Variants in CEBPZOS observed in about 807,000 individuals in gnomAD.
The protein encoded by CEBPZOS is CEBPZ opposite strand, also known as protein CEBPZOS.
In CEBPZOS, 10 loss-of-function variants were observed where a neutral mutation model predicts 4.8. The ratio of observed to expected loss-of-function variants is 2.07; its 90% CI spans 1.28 to 3.52. CEBPZOS has a LOEUF of 3.52. Among genes scored for constraint, CEBPZOS ranks in the 30% most tolerant of loss-of-function variants. The pLI, the probability that CEBPZOS is intolerant of heterozygous loss-of-function variation, is 0.00. For missense variants in CEBPZOS, 98 were observed against 43.6 expected, an observed-to-expected ratio of 2.25 and a Z score of -3.51; for synonymous variants, 25 against 14.2, an observed-to-expected ratio of 1.77 and a Z score of -1.72.
At chr2:37,212,267 A>G in intron 4 of CEBPZOS, 3 of 1,375,612 alleles carry the variant, frequency 2.2e-6, no homozygotes, top group Non-Finnish European at 3.1e-6. Context: ...TCTGTGGTCT[A>G]CTGTTCTGAG....
Position 37,202,603 on chromosome 2 carries a change from C to T in CEBPZOS, c.*743C>T. 2.7e-6 allele frequency: 1 copy of T among 371,884 alleles called. No homozygotes were observed. The highest frequency in any genetic ancestry group is 4.6e-6 in the Non-Finnish European group (1 of 219,230). The allele number at this position is 371,884 out of a possible 1,614,324, so 23.0% of individuals were successfully genotyped here. A position where few individuals can be genotyped will look rare whatever the true frequency, so the allele number is the denominator to read the frequency against. On this transcript the variant is annotated 3_prime_UTR_variant, in exon 5 of 5. Coordinates refer to ENST00000402297, the MANE Select transcript of CEBPZOS (RefSeq NM_001322374.2). ...GAGGTTGCAGTGAGCCAAGATCATG[C>T]CACTGCATTCCAACCTGGGCAAGGG... is the stretch of plus-strand genomic sequence containing the variant.
intron 1 of CEBPZOS, among the ~76,000 whole-genome samples, chr2:37,197,798 G>A (rs1677020079): frequency 6.6e-6 from 1 of 152,128 alleles, no homozygotes; most frequent in Admixed American, 6.5e-5. Context: ...CCCGGGAGAC[G>A]GAGGTTGCAG....
intron 4 of CEBPZOS, chr2:37,211,109 A>G (rs1677707994): frequency 6.7e-7 from 1 of 1,501,996 alleles, no homozygotes; most frequent in African/African-American, 1.4e-5. Context: ...TTTGCTAATA[A>G]GCAATTTAAA....
intron 4 of CEBPZOS, chr2:37,211,743 T>C: frequency 1.2e-6 from 1 of 821,004 alleles, no homozygotes; most frequent in Non-Finnish European, 1.8e-6. Context: ...AGTATTAATT[T>C]GAATACAGGG....
downstream of CEBPZOS, among the ~76,000 whole-genome samples, chr2:37,205,141 G>A (rs1229886839): frequency 6.6e-6 from 1 of 152,180 alleles, no homozygotes; most frequent in Non-Finnish European, 1.5e-5. Context: ...CTAAGAAATT[G>A]ACAGCAGTAT....
Position 37,202,048 on chromosome 2 carries a change from T to A in CEBPZOS, c.*188T>A, listed in dbSNP as rs1276870490. 5.7e-6 allele frequency: 3 copies of A among 528,896 alleles called. No individual in the cohort carries two copies. The highest frequency in any genetic ancestry group is 9.8e-6 in the Non-Finnish European group (3 of 307,354). 32.8% of individuals were successfully genotyped at this position (528,896 alleles called of 1,614,324 possible). ...ACTATACAAACCCACTGCTTGTTTG[T>A]TGCTTTTCTTCTCATATTTATTGTC... On this transcript the variant is annotated 3_prime_UTR_variant, in exon 5 of 5. Coordinates refer to ENST00000402297, the MANE Select transcript of CEBPZOS (RefSeq NM_001322374.2).
chr2:37,210,236 A>G (rs1035909030), intron 4 of CEBPZOS: 6 of 152,246 alleles, frequency 3.9e-5, no homozygotes, highest in Non-Finnish European at 7.3e-5. Flanking sequence ...TAAAGAACTG[A>G]AAGTAGAACT....
At chr2:37,197,902 T>G (rs966288689) in intron 1 of CEBPZOS, among the ~76,000 whole-genome samples, 2 of 151,758 alleles carry the variant, frequency 1.3e-5, no homozygotes, top group African/African-American at 4.8e-5. Context: ...GGCCCACGCC[T>G]GTAATCCTAG....
chr2:37,212,595 TA>T (rs912661337), intron 4 of CEBPZOS: 15 of 539,918 alleles, frequency 2.8e-5, no homozygotes, highest in Admixed American at 1.4e-4. Flanking sequence ...ATCCCAAAAC[TA>T]AAGAAGGATC....
chr2:37,199,821 T>C lies in CEBPZOS; in HGVS notation c.115+2T>C, dbSNP rs775574594. On this transcript the variant is annotated splice_donor_variant, in intron 2 of 4. Coordinates refer to ENST00000402297, the MANE Select transcript of CEBPZOS (RefSeq NM_001322374.2). LOFTEE classifies it high-confidence loss of function. Reference sequence around the variant, plus strand: ...TTAGCAAGATGCACACAAGCCAAGGTAATCATAATTCAGAAGTTAATGCTT... The same window carrying C: ...TTAGCAAGATGCACACAAGCCAAGGCAATCATAATTCAGAAGTTAATGCTT... 2 of 717,356 alleles carry C rather than the reference T, an allele frequency of 2.8e-6. No homozygotes were observed. Among genetic ancestry groups the C allele is most frequent in the South Asian group, 3.0e-5 (2 of 67,576 alleles). The allele number at this position is 717,356 out of a possible 1,614,324, so 44.4% of individuals were successfully genotyped here. A position where few individuals can be genotyped will look rare whatever the true frequency, so the allele number is the denominator to read the frequency against.
chr2:37,215,305 A>T (rs79170531), downstream of CEBPZOS: 4,407 of 164,030 alleles, frequency 0.027, 96 homozygotes, highest in Middle Eastern at 0.068. Flanking sequence ...AATCACTTTA[A>T]ACTTGTCATT....
chr2:37,203,133 AC>A lies in CEBPZOS; in HGVS notation c.*1275del. The A allele has an allele frequency of 1.7e-6, 1 of 575,612 alleles. No homozygotes were observed. The highest frequency in any genetic ancestry group is 2.9e-6 in the Non-Finnish European group (1 of 340,756). 35.7% of individuals were successfully genotyped at this position (575,612 alleles called of 1,614,324 possible). On this transcript the variant is annotated 3_prime_UTR_variant, in exon 5 of 5. Transcript: ENST00000402297. ...AAAACAATTGCAATAATCTTCTGGC[AC>A]CATTGGGTAGCTGGCATTTAAATAT... is the stretch of plus-strand genomic sequence containing the variant.
At chr2:37,213,078 A>G (rs1677779037) in intron 4 of CEBPZOS, among the ~76,000 whole-genome samples, 1 of 151,950 alleles carries the variant, frequency 6.6e-6, no homozygotes, top group Admixed American at 6.6e-5. Flanking sequence ...AAAAACAACA[A>G]CAAAAAAATA....
In CEBPZOS at chr2:37,202,859, G is replaced by A. The variant is rs1475350990; in HGVS notation, c.*999G>A. On this transcript the variant is annotated 3_prime_UTR_variant, in exon 5 of 5. Coordinates refer to ENST00000402297, the MANE Select transcript of CEBPZOS (RefSeq NM_001322374.2). ...GATCCCATATTTTCATCCAATAGAT[G>A]GCCAAACTTTTAAACAAAAACGATA... The A allele has an allele frequency of 1.8e-5, 29 of 1,599,504 alleles. No homozygotes were observed. The highest frequency in any genetic ancestry group is 2.7e-5 in the African/African-American group (2 of 74,230).
intron 4 of CEBPZOS, among the ~76,000 whole-genome samples, chr2:37,213,147 TAA>T (rs754880231): frequency 2.0e-5 from 3 of 152,206 alleles, no homozygotes; most frequent in East Asian, 1.9e-4. Flanking sequence ...TTAAGTCTAT[TAA>T]GTTTCAATCA....
downstream of CEBPZOS, among the ~76,000 whole-genome samples, chr2:37,214,117 A>G (rs574882993): frequency 3.3e-5 from 5 of 152,358 alleles, no homozygotes; most frequent in African/African-American, 1.2e-4. Context: ...TAATATACAA[A>G]AAATAGTTTA....
chr2:37,197,122 G>C (rs907576036), intron 1 of CEBPZOS: 9 of 152,936 alleles, frequency 5.9e-5, no homozygotes, highest in Non-Finnish European at 1.3e-4. Flanking sequence ...GAATCTGTCA[G>C]AGGCGGCTTC....
chr2:37,200,909 A>G, intron 2 of CEBPZOS, 139 bp from the exon 3 acceptor site: 1 of 584,600 alleles, frequency 1.7e-6, no homozygotes, highest in Non-Finnish European at 3.1e-6. Flanking sequence ...TTCCTGGATT[A>G]CCAGAAAGAC....
chr2:37,198,879 A>G (rs1677077276), intron 1 of CEBPZOS, among the ~76,000 whole-genome samples: 1 of 152,124 alleles, frequency 6.6e-6, no homozygotes, highest in Admixed American at 6.6e-5. Flanking sequence ...GAAAGGGCAG[A>G]TTACTGGCTC....
Sources: allele counts gnomAD v4.1 joint callset (sites outside exome capture counted in the v4.1 genomes callset), GRCh38; gene constraint gnomAD v4.1.1; transcripts MANE v1.5; gene names NCBI Gene and HGNC (gene_info 2026-07-23, HGNC 2026-07-21).